TSR2: variants seen among roughly 807,000 people sequenced by gnomAD.
TSR2 encodes the protein pre-rRNA-processing protein TSR2 homolog.
TSR2 carries 1 observed loss-of-function variant against 13.3 expected under a neutral mutation model. That is an observed-to-expected ratio of 0.08 (90% CI 0.03 to 0.36). The LOEUF is 0.36. Among genes scored for constraint, TSR2 ranks in the 10% least tolerant of loss-of-function variants. TSR2 has a pLI of 0.99. For synonymous variants in TSR2, 60 were observed against 57.7 expected, an observed-to-expected ratio of 1.04 and a Z score of -0.18; for missense variants, 120 against 151.1, an observed-to-expected ratio of 0.79 and a Z score of 1.08.
rs201610363 is a variant in TSR2 at position 54,446,174 on chromosome X, G to A, written c.*1624G>A. On this transcript the variant is annotated 3_prime_UTR_variant, in exon 5 of 5. Transcript: ENST00000375151. ...GCAGTGGCTCCTAAAGCAGCCACCG[G>A]TGCCTCCTCCATCTCCCTGTCCTCA... is the stretch of plus-strand genomic sequence containing the variant. 7.9e-5 allele frequency: 96 copies of A among 1,209,581 alleles called. No homozygotes were observed. The highest frequency in any genetic ancestry group is 2.3e-4 in the Middle Eastern group (1 of 4,343).
At position 54,444,730 on chromosome X, in the gene TSR2, T is replaced by TGG. The variant is rs940110260; in HGVS notation, c.*185_*186dup. On this transcript the variant is annotated 3_prime_UTR_variant, in exon 5 of 5. Transcript: ENST00000375151. ...AACCTAGGGTCCTTGGTCTTGGGGGTGGGGGGACCTTTTCCAGCATATTCC... is the reference window on the plus strand; with the variant it reads ...AACCTAGGGTCCTTGGTCTTGGGGGTGGGGGGGGACCTTTTCCAGCATATTCC... The TGG allele has an allele frequency of 3.5e-5, 14 of 405,671 alleles. No homozygotes were observed. Among genetic ancestry groups the TGG allele is most frequent in the African/African-American group, 2.3e-4 (9 of 38,548 alleles). The allele number at this position is 405,671 out of a possible 1,213,427, so 33.4% of individuals were successfully genotyped here.
In TSR2 at chrX:54,446,172, C is replaced by G. The variant is rs201361000; in HGVS notation, c.*1622C>G. On this transcript the variant is annotated 3_prime_UTR_variant, in exon 5 of 5. Coordinates refer to ENST00000375151, the MANE Select transcript of TSR2 (RefSeq NM_058163.3). Reference sequence around the variant, plus strand: ...CAGCAGTGGCTCCTAAAGCAGCCACCGGTGCCTCCTCCATCTCCCTGTCCT... The same window carrying G: ...CAGCAGTGGCTCCTAAAGCAGCCACGGGTGCCTCCTCCATCTCCCTGTCCT... The G allele has an allele frequency of 4.1e-6, 5 of 1,209,301 alleles. No homozygotes were observed. The African/African-American group carries it at 5.2e-5, about 13-fold the overall frequency.
chrX:54,440,861 C>A, intron 2 of TSR2, 81 bp downstream of exon 2: 1 of 804,045 alleles, frequency 1.2e-6, no homozygotes, highest in Non-Finnish European at 1.8e-6. Context: ...CCTGCATTTC[C>A]TCTCGAGCAG....
In TSR2 at chrX:54,446,479, T is replaced by A. The variant is rs1922184213; in HGVS notation, c.*1929T>A. On this transcript the variant is annotated 3_prime_UTR_variant, in exon 5 of 5. Transcript: ENST00000375151. ...TAGACCTTTCCCCCGCCCCAGCTTC[T>A]AACTGGTTTTGCATATGCTCTGTCT... is the stretch of plus-strand genomic sequence containing the variant. 9.3e-7 allele frequency: 1 copy of A among 1,070,168 alleles called. No individual in the cohort carries two copies. The highest frequency in any genetic ancestry group is 1.3e-6 in the Non-Finnish European group (1 of 786,474). 88.2% of individuals were successfully genotyped at this position (1,070,168 alleles called of 1,213,427 possible). A position where few individuals can be genotyped will look rare whatever the true frequency, so the allele number is the denominator to read the frequency against.
chrX:54,444,838 G>A lies in TSR2; in HGVS notation c.*288G>A. On this transcript the variant is annotated 3_prime_UTR_variant, in exon 5 of 5. Transcript: ENST00000375151. Reference sequence around the variant, plus strand: ...TTGGGTGCGGTCATTGTGAGGAAGGGGATGAGTGAGTGTGGGTGTGGCTGG... The same window carrying A: ...TTGGGTGCGGTCATTGTGAGGAAGGAGATGAGTGAGTGTGGGTGTGGCTGG... The A allele has an allele frequency of 5.9e-6, 1 of 169,070 alleles. No individual in the cohort carries two copies. 13.9% of individuals were successfully genotyped at this position (169,070 alleles called of 1,213,427 possible). A position where few individuals can be genotyped will look rare whatever the true frequency, so the allele number is the denominator to read the frequency against.
At chrX:54,442,253 G>A (rs58695860) in intron 2 of TSR2, among the ~76,000 whole-genome samples, 4,164 of 111,375 alleles carry the variant, frequency 0.037, 106 homozygotes, top group East Asian at 0.098. Flanking sequence ...GATGAGGCCT[G>A]AAGTAGGACA....
At position 54,444,615 on chromosome X, in the gene TSR2, T is replaced by C; in HGVS notation, c.*65T>C. 3 of 1,115,301 alleles carry C rather than the reference T, an allele frequency of 2.7e-6. No individual in the cohort carries two copies. The highest frequency in any genetic ancestry group is 2.4e-6 in the Non-Finnish European group (2 of 830,701). The allele number at this position is 1,115,301 out of a possible 1,213,427, so 91.9% of individuals were successfully genotyped here. ...GTTCTAAGAGTTGTCTGTAGGGGTT[T>C]TTTTTTTGAGGATTGCAGACCTGTG... On this transcript the variant is annotated 3_prime_UTR_variant, in exon 5 of 5. Coordinates refer to ENST00000375151, the MANE Select transcript of TSR2 (RefSeq NM_058163.3).
chrX:54,444,612 G>GTTTT lies in TSR2; in HGVS notation c.*69_*72dup. 1 of 970,169 alleles carries GTTTT rather than the reference G, an allele frequency of 1.0e-6. No individual in the cohort carries two copies. The highest frequency in any genetic ancestry group is 1.4e-6 in the Non-Finnish European group (1 of 726,963). 80.0% of individuals were successfully genotyped at this position (970,169 alleles called of 1,213,427 possible). A position where few individuals can be genotyped will look rare whatever the true frequency, so the allele number is the denominator to read the frequency against. On this transcript the variant is annotated 3_prime_UTR_variant, in exon 5 of 5. Coordinates refer to ENST00000375151, the MANE Select transcript of TSR2 (RefSeq NM_058163.3). Reference sequence around the variant, plus strand: ...GCTGTTCTAAGAGTTGTCTGTAGGGGTTTTTTTTTTGAGGATTGCAGACCT... The same window carrying GTTTT: ...GCTGTTCTAAGAGTTGTCTGTAGGGGTTTTTTTTTTTTTTGAGGATTGCAGACCT...
Position 54,447,235 on chromosome X carries a change from A to AAGGCCAAGGAG in TSR2, c.*2689_*2699dup, listed in dbSNP as rs1922236409. ...TCTTCCAAGGCTCACCTTATCTTCC[A>AAGGCCAAGGAG]AGGCCAAGGAGAGGTCAAGGACTGG... is the stretch of plus-strand genomic sequence containing the variant. On this transcript the variant is annotated 3_prime_UTR_variant, in exon 5 of 5. Coordinates refer to ENST00000375151, the MANE Select transcript of TSR2 (RefSeq NM_058163.3). 1 of 1,102,082 alleles carries AAGGCCAAGGAG rather than the reference A, an allele frequency of 9.1e-7. No individual in the cohort carries two copies. The highest frequency in any genetic ancestry group is 1.8e-5 in the African/African-American group (1 of 55,924). 90.8% of individuals were successfully genotyped at this position (1,102,082 alleles called of 1,213,427 possible).
intron 4 of TSR2, 60 bp downstream of exon 4, chrX:54,444,244 G>A: frequency 8.5e-7 from 1 of 1,182,851 alleles, no homozygotes; most frequent in Non-Finnish European, 1.1e-6. Flanking sequence ...TGGAAGAGCA[G>A]CTAGATTCAC....
At position 54,447,929 on chromosome X, in the gene TSR2, G is replaced by A. The variant is rs1409305740; in HGVS notation, c.*3379G>A. Among the ~76,000 whole-genome samples the A allele has an allele frequency of 2.7e-5, 3 of 111,617 alleles. No individual in the cohort carries two copies. Among genetic ancestry groups the A allele is most frequent in the African/African-American group, 9.8e-5 (3 of 30,693 alleles). The stretch of plus-strand genomic sequence containing the variant: ...TGGAGAGCAAAGAGAGCTGATGTGA[G>A]AATTAAATGAATTAATATATGCAAA... On this transcript the variant is annotated 3_prime_UTR_variant, in exon 5 of 5. Coordinates refer to ENST00000375151, the MANE Select transcript of TSR2 (RefSeq NM_058163.3).
At chrX:54,444,257 G>T in intron 4 of TSR2, 73 bp downstream of exon 4, 1 of 1,177,122 alleles carries the variant, frequency 8.5e-7, no homozygotes. Context: ...AGATTCACAG[G>T]GAAGTGATAA....
rs1252484790 is a variant in TSR2, at chrX:54,447,789, C to T, written c.*3239C>T. Reference sequence around the variant, plus strand: ...TCATGCTTTTTTCTGTCTTTCATCACATCCATTTCCTACACTCATTGAGAG... The same window carrying T: ...TCATGCTTTTTTCTGTCTTTCATCATATCCATTTCCTACACTCATTGAGAG... On this transcript the variant is annotated 3_prime_UTR_variant, in exon 5 of 5. Coordinates refer to ENST00000375151, the MANE Select transcript of TSR2 (RefSeq NM_058163.3). Among the ~76,000 whole-genome samples the T allele has an allele frequency of 8.9e-6, 1 of 112,388 alleles. No homozygotes were observed. The highest frequency in any genetic ancestry group is 1.9e-5 in the Non-Finnish European group (1 of 53,334).
Position 54,447,250 on chromosome X carries a change from T to C in TSR2, c.*2700T>C, listed in dbSNP as rs138823666. The C allele has an allele frequency of 1.3e-3, 1,523 of 1,162,044 alleles. 7 individuals carry two copies. The African/African-American group carries it at 0.024, about 18-fold the overall frequency. ...CTTATCTTCCAAGGCCAAGGAGAGGTCAAGGACTGGATCTGGCTTTGCCAG... is the reference window on the plus strand; with the variant it reads ...CTTATCTTCCAAGGCCAAGGAGAGGCCAAGGACTGGATCTGGCTTTGCCAG... On this transcript the variant is annotated 3_prime_UTR_variant, in exon 5 of 5. Coordinates refer to ENST00000375151, the MANE Select transcript of TSR2 (RefSeq NM_058163.3).
rs1922156062 is a variant in TSR2 at position 54,446,127 on chromosome X, C to T, written c.*1577C>T. 2 of 1,210,027 alleles carry T rather than the reference C, an allele frequency of 1.7e-6. No individual in the cohort carries two copies. The highest frequency in any genetic ancestry group is 3.5e-5 in the African/African-American group (2 of 57,650). Reference sequence around the variant, plus strand: ...AAACCCTCTAGGTCTTGTCTCGGGTCTGGGGGGATTCGGGGGGTTCAGCAG... The same window carrying T: ...AAACCCTCTAGGTCTTGTCTCGGGTTTGGGGGGATTCGGGGGGTTCAGCAG... On this transcript the variant is annotated 3_prime_UTR_variant, in exon 5 of 5. Coordinates refer to ENST00000375151, the MANE Select transcript of TSR2 (RefSeq NM_058163.3).
intron 2 of TSR2, among the ~76,000 whole-genome samples, chrX:54,442,576 A>G (rs1452724750): frequency 9.0e-6 from 1 of 110,805 alleles, no homozygotes; most frequent in Non-Finnish European, 1.9e-5. Context: ...GCTCTCCCAG[A>G]GAAAGCACAT....
At chrX:54,442,420 G>A (rs1420117240) in intron 2 of TSR2, among the ~76,000 whole-genome samples, 1 of 111,680 alleles carries the variant, frequency 9.0e-6, no homozygotes, top group Non-Finnish European at 1.9e-5. Flanking sequence ...TGCGAAGCAG[G>A]TTTAAAGAGT....
In TSR2 at chrX:54,446,496, G is replaced by A; in HGVS notation, c.*1946G>A. 1.0e-6 allele frequency: 1 copy of A among 963,315 alleles called. No individual in the cohort carries two copies. The highest frequency in any genetic ancestry group is 1.4e-6 in the Non-Finnish European group (1 of 694,825). 79.4% of individuals were successfully genotyped at this position (963,315 alleles called of 1,213,427 possible). Reference sequence around the variant, plus strand: ...CCAGCTTCTAACTGGTTTTGCATATGCTCTGTCTTCAGTCCCCTACTCAGG... The same window carrying A: ...CCAGCTTCTAACTGGTTTTGCATATACTCTGTCTTCAGTCCCCTACTCAGG... On this transcript the variant is annotated 3_prime_UTR_variant, in exon 5 of 5. Coordinates refer to ENST00000375151, the MANE Select transcript of TSR2 (RefSeq NM_058163.3).
rs61734179 is a variant in TSR2, at chrX:54,447,323, G to A, written c.*2773G>A. 5.0e-4 allele frequency: 603 copies of A among 1,210,489 alleles called. 2 individuals are homozygous for A. Among genetic ancestry groups the A allele is most frequent in the African/African-American group, 3.3e-3 (188 of 57,454 alleles). ...GTAGGATGCATACCTGAGGGGCTCCGTAGATATACAGCACCAAGGGTTCAT... is the reference window on the plus strand; with the variant it reads ...GTAGGATGCATACCTGAGGGGCTCCATAGATATACAGCACCAAGGGTTCAT... On this transcript the variant is annotated 3_prime_UTR_variant, in exon 5 of 5. Transcript: ENST00000375151.
Sources: allele counts gnomAD v4.1 joint callset (sites outside exome capture counted in the v4.1 genomes callset), GRCh38; gene constraint gnomAD v4.1.1; transcripts MANE v1.5; gene names NCBI Gene and HGNC (gene_info 2026-07-23, HGNC 2026-07-21).